The following NHS variants were observed in gnomAD, a reference collection of about 807,000 sequenced individuals.
NHS encodes actin remodeling regulator NHS.
A neutral mutation model predicts 72.5 loss-of-function variants in NHS; 5 were observed. The observed-to-expected ratio is 0.07, with a 90% CI of 0.04 to 0.14. NHS has a LOEUF of 0.14. Ranked by LOEUF, NHS falls within the 10% of genes least tolerant of loss-of-function variation. The pLI is 1.00. For missense variants in NHS, 1,072 were observed against 1,355.7 expected (o/e 0.79, Z 3.29); for synonymous variants, 464 against 547.7 (o/e 0.85, Z 2.13).
chrX:17,513,193 G>A (rs2035542615), intron 1 of NHS, among the ~76,000 whole-genome samples: 1 of 112,132 alleles, frequency 8.9e-6, no homozygotes, highest in Admixed American at 9.5e-5. Context: ...TGGAACCTTG[G>A]TAGATATATT....
intron 1 of NHS, among the ~76,000 whole-genome samples, chrX:17,632,316 A>G (rs941969109): frequency 1.8e-5 from 2 of 110,809 alleles, no homozygotes; most frequent in African/African-American, 6.6e-5. Flanking sequence ...GCAATTCTCT[A>G]TGATCATCCC....
intron 1 of NHS, among the ~76,000 whole-genome samples, chrX:17,580,822 T>A (rs1223661312): frequency 1.8e-5 from 2 of 112,452 alleles, no homozygotes; most frequent in Non-Finnish European, 3.8e-5. Context: ...TAACTAGAGC[T>A]TGGCTAGCAG....
At chrX:17,619,284 T>A (rs2065761293) in intron 1 of NHS, among the ~76,000 whole-genome samples, 2 of 112,506 alleles carry the variant, frequency 1.8e-5, no homozygotes, top group South Asian at 7.4e-4. Flanking sequence ...GGAGCCTGAT[T>A]CCCTGAATGA....
At chrX:17,568,646 AG>A (rs1289782126) in intron 1 of NHS, among the ~76,000 whole-genome samples, 6 of 47,243 alleles carry the variant, frequency 1.3e-4, no homozygotes, top group South Asian at 1.6e-3. Context: ...CAGGTTACTT[AG>A]TTATTATTAT....
chrX:17,481,888 A>G (rs780805733), intron 1 of NHS, among the ~76,000 whole-genome samples: 3 of 112,189 alleles, frequency 2.7e-5, no homozygotes, highest in Non-Finnish European at 3.8e-5. Context: ...TATAGAATAC[A>G]GTTTTCACTT....
At chrX:17,508,831 T>C (rs2065071959) in intron 1 of NHS, among the ~76,000 whole-genome samples, 1 of 112,398 alleles carries the variant, frequency 8.9e-6, no homozygotes, top group South Asian at 3.6e-4. Flanking sequence ...TTTTGGCTAT[T>C]GTGAATAGTG....
chrX:17,586,694 C>G (rs768037423), intron 1 of NHS: 2 of 111,920 alleles, frequency 1.8e-5, no homozygotes, highest in East Asian at 5.6e-4. Context: ...TCTAATCAAC[C>G]CTGCCCATCC....
At position 17,726,115 on chromosome X, in the gene NHS, A is replaced by G; in HGVS notation, c.2009A>G (p.Asn670Ser). Reference sequence around the variant, plus strand: ...CACTGTGACTCGGAGTTGTCACTAAACACAGCCCCTCATGCCAATGAGGAT... The same window carrying G: ...CACTGTGACTCGGAGTTGTCACTAAGCACAGCCCCTCATGCCAATGAGGAT... ...SSHCDSELSLNTAPHANEDAS... is the reference protein window; with the variant it reads ...SSHCDSELSLSTAPHANEDAS... The change falls in exon 7 of 9, where the codon AAC becomes AGC. Residue 670 changes from asparagine (N) to serine (S), a missense_variant. Asn to Ser is a conservative substitution (Grantham distance 46). Transcript: ENST00000676302. The G allele has an allele frequency of 8.3e-7, 1 of 1,211,857 alleles. No individual in the cohort carries two copies. Among genetic ancestry groups the G allele is most frequent in the Non-Finnish European group, 1.1e-6 (1 of 895,534 alleles).
At chrX:17,658,303 A>T (rs2065966780) in intron 1 of NHS, among the ~76,000 whole-genome samples, 1 of 112,492 alleles carries the variant, frequency 8.9e-6, no homozygotes, top group East Asian at 2.8e-4. Flanking sequence ...GCAAGAATGC[A>T]TTAGCAATTG....
At chrX:17,648,370 A>G (rs2065915624) in intron 1 of NHS, among the ~76,000 whole-genome samples, 1 of 112,208 alleles carries the variant, frequency 8.9e-6, no homozygotes. Context: ...CAAGATCAGC[A>G]GAAGCAGAAG....
chrX:17,539,119 C>T (rs1820264655), intron 1 of NHS, among the ~76,000 whole-genome samples: 1 of 112,311 alleles, frequency 8.9e-6, no homozygotes, highest in Admixed American at 9.4e-5. Context: ...CTTCTTAAGC[C>T]TACCATATAT....
chrX:17,376,260 A>G lies in NHS; in HGVS notation c.503A>G (p.Gln168Arg), dbSNP rs769860109. Residue 168 changes from glutamine to arginine, a missense_variant, in exon 1 of 9, where the codon CAG (glutamine) becomes CGG (arginine). Transcript: ENST00000676302. ...QLTHRRVWALQGKLGGVQRVL... is the reference protein window; with the variant it reads ...QLTHRRVWALRGKLGGVQRVL... ...ACCCACCGCCGCGTCTGGGCGCTGC[A>G]GGGCAAGCTCGGCGGCGTGCAGCGC... 11 of 1,169,623 alleles carry G rather than the reference A, an allele frequency of 9.4e-6. No homozygotes were observed. The Admixed American group carries it at 1.2e-4, about 13-fold the overall frequency.
At chrX:17,656,281 G>A (rs999623394) in intron 1 of NHS, among the ~76,000 whole-genome samples, 32 of 113,558 alleles carry the variant, frequency 2.8e-4, no homozygotes, top group African/African-American at 1.0e-3. Flanking sequence ...GAGCCTGAGC[G>A]GGCGCCAGGG....
intron 1 of NHS, among the ~76,000 whole-genome samples, chrX:17,463,660 A>C (rs1277129359): frequency 9.0e-6 from 1 of 111,274 alleles, no homozygotes; most frequent in East Asian, 2.8e-4. Context: ...TGCCATCTGG[A>C]GGTTCACTGA....
Position 17,725,350 on chromosome X carries a change from C to A in NHS, c.1244C>A (p.Ser415Tyr). ...IPRRVQQEID[S>Y]DESPVARERN... ...CTGTGCTTTCCATGTGCCCTAGATT[C>A]TGATGAATCACCAGTGGCCAGGGAA... Residue 415 changes from serine to tyrosine, a missense_variant, in exon 7 of 9, where the codon TCT becomes TAT. Ser to Tyr is a moderately radical substitution (Grantham distance 144). Transcript: ENST00000676302. 2 of 1,206,593 alleles carry A rather than the reference C, an allele frequency of 1.7e-6. No individual in the cohort carries two copies. The highest frequency in any genetic ancestry group is 2.2e-6 in the Non-Finnish European group (2 of 891,382).
At chrX:17,429,224 A>ATGTGTGTGTGTG (rs10616889) in intron 1 of NHS, among the ~76,000 whole-genome samples, 1 of 96,839 alleles carries the variant, frequency 1.0e-5, no homozygotes, top group African/African-American at 3.8e-5. Flanking sequence ...GTACTGGGGG[A>ATGTGTGTGTGTG]TGTGTGTGTG....
At chrX:17,462,321 GAAGTA>G (rs2064851218) in intron 1 of NHS, among the ~76,000 whole-genome samples, 1 of 111,267 alleles carries the variant, frequency 9.0e-6, no homozygotes, top group Non-Finnish European at 1.9e-5. Flanking sequence ...TCTGAGAAGT[GAAGTA>G]AAGTGAGAAG....
At chrX:17,428,687 A>G (rs1428840970) in intron 1 of NHS, among the ~76,000 whole-genome samples, 1 of 111,980 alleles carries the variant, frequency 8.9e-6, no homozygotes, top group African/African-American at 3.2e-5. Context: ...CTATCCATAT[A>G]CCTACATACT....
rs747950422 is a variant in NHS, at chrX:17,717,555, T to G, written c.853-1789T>G. On this transcript the variant is annotated intron_variant, in intron 3 of 8. Transcript: ENST00000676302. ...TAGAGTTTTAAAAGTTTCAGTGGCC[T>G]TCTCAGTAGATCCTGAAGAGGGGAT... 1.7e-4 allele frequency among the ~76,000 whole-genome samples: 19 copies of G among 112,867 alleles called. No homozygotes were observed. The Middle Eastern group carries it at 0.023, about 136-fold the overall frequency.
Sources: allele counts gnomAD v4.1 joint callset (sites outside exome capture counted in the v4.1 genomes callset), GRCh38; gene constraint gnomAD v4.1.1; transcripts MANE v1.5; gene names NCBI Gene and HGNC (gene_info 2026-07-23, HGNC 2026-07-21).